The following SLC35D4 variants were observed in gnomAD, a reference collection of about 807,000 sequenced individuals.
SLC35D4 encodes solute carrier family 35 member D4, also known as UDP-N-acetylglucosamine transporter SLC35D4.
chr18:23,366,466 G>A, the SLC35D4 span, among the ~76,000 whole-genome samples: 1 of 152,212 alleles, frequency 6.6e-6, no homozygotes. Flanking sequence ...TTAAAGTGCT[G>A]GATGGCCTAC....
the SLC35D4 span, among the ~76,000 whole-genome samples, chr18:23,372,551 G>A: frequency 6.6e-6 from 1 of 152,198 alleles, no homozygotes; most frequent in African/African-American, 2.4e-5. Flanking sequence ...GCTATGAAAT[G>A]GAGATAATAA....
chr18:23,263,023 C>T, the SLC35D4 span, among the ~76,000 whole-genome samples: 7 of 152,206 alleles, frequency 4.6e-5, no homozygotes, highest in African/African-American at 7.2e-5. Context: ...AGATATCATG[C>T]GCCAGCCCTG....
At chr18:23,395,354 T>C in the SLC35D4 span, among the ~76,000 whole-genome samples, 1 of 152,250 alleles carries the variant, frequency 6.6e-6, no homozygotes, top group African/African-American at 2.4e-5. Context: ...GATCCATATG[T>C]GTTTCCTCAT....
the SLC35D4 span, among the ~76,000 whole-genome samples, chr18:23,414,076 G>A: frequency 2.7e-5 from 4 of 150,774 alleles, no homozygotes; most frequent in African/African-American, 4.9e-5. Flanking sequence ...CCAAGATGGC[G>A]AAACCCCGTC....
chr18:23,254,407 C>A, the SLC35D4 span, among the ~76,000 whole-genome samples: 1 of 152,180 alleles, frequency 6.6e-6, no homozygotes, highest in South Asian at 2.1e-4. Context: ...AAGGAAACAT[C>A]GATCTCCTTG....
the SLC35D4 span, among the ~76,000 whole-genome samples, chr18:23,331,922 G>C: frequency 8.9e-6 from 1 of 112,510 alleles, no homozygotes; most frequent in East Asian, 2.5e-4. Context: ...GTCTTGCTCT[G>C]TTGCCCAGGG....
chr18:23,299,522 C>T, the SLC35D4 span, among the ~76,000 whole-genome samples: 134 of 152,286 alleles, frequency 8.8e-4, no homozygotes, highest in Non-Finnish European at 1.5e-3. Flanking sequence ...CTGGGGTTGG[C>T]GGGGACTGAC....
the SLC35D4 span, among the ~76,000 whole-genome samples, chr18:23,436,971 G>A: frequency 6.6e-6 from 1 of 152,042 alleles, no homozygotes; most frequent in Admixed American, 6.6e-5. Context: ...TGGGGAGCCC[G>A]CAGTAAGACC....
the SLC35D4 span, among the ~76,000 whole-genome samples, chr18:23,332,021 G>A: frequency 8.3e-4 from 125 of 151,348 alleles, no homozygotes; most frequent in African/African-American, 3.0e-3. Flanking sequence ...AAAGAGCTAG[G>A]AGCACAGGCA....
the SLC35D4 span, chr18:23,309,842 T>G: frequency 1.7e-6 from 2 of 1,183,298 alleles, no homozygotes; most frequent in Non-Finnish European, 2.5e-6. Flanking sequence ...TGAGTTCGGA[T>G]GCCTGCCATC....
At chr18:23,411,541 G>GAAAGAAAGAA in the SLC35D4 span, among the ~76,000 whole-genome samples, 1 of 149,932 alleles carries the variant, frequency 6.7e-6, no homozygotes, top group African/African-American at 2.5e-5. Flanking sequence ...AAGAAAGAAA[G>GAAAGAAAGAA]AAAGAAAGAA....
At chr18:23,296,632 T>C in the SLC35D4 span, 2 of 152,222 alleles carry the variant, frequency 1.3e-5, no homozygotes, top group Non-Finnish European at 2.9e-5. Flanking sequence ...AATACAATTT[T>C]TCATCTGGCC....
At chr18:23,338,375 A>G in the SLC35D4 span, among the ~76,000 whole-genome samples, 1 of 152,212 alleles carries the variant, frequency 6.6e-6, no homozygotes, top group African/African-American at 2.4e-5. Context: ...TCACTGGTTA[A>G]TTTCATGAGA....
At chr18:23,396,109 T>C in the SLC35D4 span, among the ~76,000 whole-genome samples, 1 of 152,208 alleles carries the variant, frequency 6.6e-6, no homozygotes, top group Non-Finnish European at 1.5e-5. Context: ...GTAGATCATT[T>C]GGTTGTGAGT....
At chr18:23,428,691 T>C in the SLC35D4 span, among the ~76,000 whole-genome samples, 4 of 151,796 alleles carry the variant, frequency 2.6e-5, no homozygotes, top group African/African-American at 9.7e-5. Flanking sequence ...CTAATTTTTT[T>C]TTTTTTTTTA....
the SLC35D4 span, among the ~76,000 whole-genome samples, chr18:23,382,135 G>T: frequency 6.6e-6 from 1 of 151,202 alleles, no homozygotes; most frequent in African/African-American, 2.4e-5. Flanking sequence ...AGCTACTCGG[G>T]AGGCTGAGGC....
chr18:23,411,386 A>G, the SLC35D4 span, among the ~76,000 whole-genome samples: 2 of 149,930 alleles, frequency 1.3e-5, no homozygotes, highest in Admixed American at 6.7e-5. Flanking sequence ...AGGGAGAGAG[A>G]AGGGAAGGCA....
At chr18:23,254,491 AT>A in the SLC35D4 span, among the ~76,000 whole-genome samples, 1 of 152,258 alleles carries the variant, frequency 6.6e-6, no homozygotes, top group Non-Finnish European at 1.5e-5. Flanking sequence ...AAGCCAACTG[AT>A]TAGAAGACAG....
At chr18:23,371,935 GTTTT>G in the SLC35D4 span, among the ~76,000 whole-genome samples, 1 of 35,478 alleles carries the variant, frequency 2.8e-5, no homozygotes, top group South Asian at 1.5e-3. Context: ...TGTTTTTTTT[GTTTT>G]TTTTTTTTTT....
Sources: gnomAD v4.1 joint callset for allele counts (sites outside exome capture counted in the v4.1 genomes callset) on GRCh38, gnomAD v4.1.1 for gene constraint, MANE v1.5 for transcripts, NCBI Gene and HGNC (gene_info 2026-07-23, HGNC 2026-07-21) for gene names.